Variants in SEC63 observed in about 807,000 individuals in gnomAD.
SEC63 encodes translocation protein SEC63 homolog.
A neutral mutation model predicts 116.2 loss-of-function variants in SEC63; 56 were observed. The observed-to-expected ratio is 0.48, with a 90% CI of 0.39 to 0.60. The LOEUF (loss-of-function observed/expected upper bound fraction) is 0.60, where lower values mean the gene tolerates loss of function less well. SEC63 is among the 20% of genes least tolerant of loss of function. The pLI is 0.00. For synonymous variants in SEC63, 273 were observed against 294.6 expected, an observed-to-expected ratio of 0.93 and a Z score of 0.75; for missense variants, 668 against 900.0, an observed-to-expected ratio of 0.74 and a Z score of 3.30.
chr6:107,940,549 CA>C (rs572640436), intron 1 of SEC63, among the ~76,000 whole-genome samples: 2 of 151,366 alleles, frequency 1.3e-5, no homozygotes, highest in Non-Finnish European at 2.9e-5. Context: ...CAGTGGAGAC[CA>C]AAAAAAATCT....
chr6:107,882,172 A>T (rs1377273840), intron 17 of SEC63, among the ~76,000 whole-genome samples: 1 of 152,094 alleles, frequency 6.6e-6, no homozygotes, highest in Admixed American at 6.5e-5. Context: ...AACCCCTTAT[A>T]CTTTTATCCT....
chr6:107,939,518 G>A lies in SEC63; in HGVS notation c.125-10004C>T, dbSNP rs141896760. On this transcript the variant is annotated intron_variant, in intron 1 of 20. Coordinates refer to ENST00000369002, the MANE Select transcript of SEC63 (RefSeq NM_007214.5). ...TGTAATCCCAGCACTTTGGGAGGCC[G>A]AGGCAGACGGATCGCGTGAGGTCAG... 1.2e-3 allele frequency among the ~76,000 whole-genome samples: 189 copies of A among 152,252 alleles called. 4 individuals are homozygous for A. The South Asian group carries it at 0.024, about 19-fold the overall frequency.
chr6:107,889,555 T>C (rs1786623015), intron 16 of SEC63, among the ~76,000 whole-genome samples: 1 of 151,278 alleles, frequency 6.6e-6, no homozygotes, highest in Admixed American at 6.6e-5. Flanking sequence ...GATTCATTGA[T>C]TTTTTTTTAA....
chr6:107,912,676 G>A, intron 6 of SEC63, 40 bp downstream of exon 6: 1 of 1,306,656 alleles, frequency 7.7e-7, no homozygotes, highest in Middle Eastern at 1.9e-4. Flanking sequence ...CAAAAATTTT[G>A]TCTAATACAT....
At chr6:107,878,047 CCT>C (rs1786321584) in intron 18 of SEC63, among the ~76,000 whole-genome samples, 2 of 152,150 alleles carry the variant, frequency 1.3e-5, no homozygotes, top group South Asian at 4.1e-4. Flanking sequence ...TGGAATAACA[CCT>C]CTGTTGCGGC....
chr6:107,913,978 C>CTAA (rs1159098899), intron 4 of SEC63, among the ~76,000 whole-genome samples: 19 of 152,274 alleles, frequency 1.2e-4, no homozygotes, highest in Admixed American at 5.2e-4. Context: ...TTGCACTGTG[C>CTAA]TAAGATCACA....
Position 107,894,157 on chromosome 6 carries a change from A to G in SEC63, c.1441-260T>C, listed in dbSNP as rs11153090. 0.72 allele frequency among the ~76,000 whole-genome samples: 110,247 copies of G among 152,154 alleles called. 42,954 individuals are homozygous for G. The highest frequency in any genetic ancestry group is 0.9 in the South Asian group (4,344 of 4,826). On this transcript the variant is annotated intron_variant, in intron 14 of 20. Transcript: ENST00000369002. ...GTTTACAAACACAGTAAGGATACAT[A>G]CAGTAAAAATATTTGTTTAAAATTT...
intron 1 of SEC63, among the ~76,000 whole-genome samples, chr6:107,951,915 G>C (rs1300017471): frequency 6.7e-6 from 1 of 150,160 alleles, no homozygotes; most frequent in Non-Finnish European, 1.5e-5. Flanking sequence ...AGACCTTGCA[G>C]TGAGCTGAGA....
chr6:107,897,155 C>T (rs1195686917), intron 14 of SEC63, among the ~76,000 whole-genome samples: 5 of 152,096 alleles, frequency 3.3e-5, no homozygotes, highest in African/African-American at 1.2e-4. Context: ...CGAATCATCT[C>T]GAAGTGGTGG....
chr6:107,878,989 T>A (rs191711927), intron 18 of SEC63, among the ~76,000 whole-genome samples: 2 of 152,360 alleles, frequency 1.3e-5, no homozygotes, highest in Middle Eastern at 3.4e-3. Context: ...AAATTGTTTT[T>A]CTTTTGTGAG....
chr6:107,901,256 G>A (rs1465332780), intron 13 of SEC63, 114 bp downstream of exon 13: 8 of 1,055,450 alleles, frequency 7.6e-6, no homozygotes, highest in Non-Finnish European at 1.2e-5. Context: ...GTTCTGCAAA[G>A]TCTAATAACA....
At chr6:107,949,212 G>A (rs1230336558) in intron 1 of SEC63, among the ~76,000 whole-genome samples, 1 of 152,182 alleles carries the variant, frequency 6.6e-6, no homozygotes, top group African/African-American at 2.4e-5. Flanking sequence ...TACTGAAAGA[G>A]GTGGGAAAGG....
intron 19 of SEC63, 126 bp downstream of exon 19, chr6:107,876,438 T>C: frequency 1.5e-6 from 1 of 678,096 alleles, no homozygotes. Context: ...AGTTACAAAA[T>C]GCAGGCAACG....
chr6:107,949,215 G>A (rs1190221247), intron 1 of SEC63, among the ~76,000 whole-genome samples: 1 of 152,202 alleles, frequency 6.6e-6, no homozygotes. Context: ...TGAAAGAGGT[G>A]GGAAAGGAGC....
intron 1 of SEC63, among the ~76,000 whole-genome samples, chr6:107,934,039 C>T (rs2114494975): frequency 6.6e-6 from 1 of 152,314 alleles, no homozygotes; most frequent in African/African-American, 2.4e-5. Context: ...GGTGCCCAGG[C>T]TGGAGTGCAG....
Position 107,912,743 on chromosome 6 carries a change from C to T in SEC63, c.546G>A (p.Trp182Ter). ...ATSFGIALPA[W>*]IVDQKNSILV... ...GAATTGAGTTTTTCTGGTCAACTAT[C>T]CAAGCTGGCAGGGCAATTCCAAAGC... The change falls in exon 6 of 21, where the codon TGG becomes TGA. Residue 182 changes from tryptophan (W) to a stop codon, truncating the protein, a stop_gained. Coordinates refer to ENST00000369002, the MANE Select transcript of SEC63 (RefSeq NM_007214.5). LOFTEE classifies it high-confidence loss of function. The T allele has an allele frequency of 6.2e-7, 1 of 1,611,644 alleles. No homozygotes were observed.
intron 3 of SEC63, among the ~76,000 whole-genome samples, chr6:107,922,547 TCA>T (rs1339068558): frequency 6.6e-6 from 1 of 152,070 alleles, no homozygotes; most frequent in Non-Finnish European, 1.5e-5. Flanking sequence ...CAAAAAATAA[TCA>T]CAATAAATTA....
At chr6:107,899,080 A>G (rs998334999) in intron 13 of SEC63, among the ~76,000 whole-genome samples, 3 of 152,224 alleles carry the variant, frequency 2.0e-5, no homozygotes, top group Admixed American at 2.0e-4. Flanking sequence ...GTCATGTGAA[A>G]TAACTACATG....
At chr6:107,898,290 T>C (rs1447567661) in intron 13 of SEC63, among the ~76,000 whole-genome samples, 1 of 146,274 alleles carries the variant, frequency 6.8e-6, no homozygotes, top group Non-Finnish European at 1.5e-5. Context: ...GGTTCAGAAA[T>C]AAAGTAAAAT....
Sources: gnomAD v4.1 joint callset for allele counts (sites outside exome capture counted in the v4.1 genomes callset) on GRCh38, gnomAD v4.1.1 for gene constraint, MANE v1.5 for transcripts, NCBI Gene and HGNC (gene_info 2026-07-23, HGNC 2026-07-21) for gene names.